The following SHC2 variants were observed in gnomAD, a reference collection of about 807,000 sequenced individuals.
The protein encoded by SHC2 is SHC-transforming protein 2.
SHC2 carries 62 observed loss-of-function variants against 60.6 expected under a neutral mutation model. The observed-to-expected ratio is 1.02, with a 90% CI of 0.83 to 1.26. SHC2 has a LOEUF of 1.26. SHC2 is among the 50% of genes most tolerant of loss of function. The pLI is 0.00. For synonymous variants in SHC2, 375 were observed against 372.4 expected (o/e 1.01, Z -0.08); for missense variants, 873 against 822.2 (o/e 1.06, Z -0.76).
intron 1 of SHC2, among the ~76,000 whole-genome samples, chr19:447,222 CGT>C (rs891478482): frequency 4.1e-5 from 6 of 145,628 alleles, no homozygotes; most frequent in African/African-American, 1.5e-4. Flanking sequence ...GGCCACACAG[CGT>C]GTGATCCCAT....
intron 9 of SHC2, among the ~76,000 whole-genome samples, chr19:428,600 C>T (rs1262113548): frequency 3.9e-5 from 6 of 152,180 alleles, no homozygotes; most frequent in Non-Finnish European, 7.4e-5. Flanking sequence ...CGTTGAAAAG[C>T]TAGGAAAATA....
chr19:426,401 C>G (rs946398489), intron 9 of SHC2, among the ~76,000 whole-genome samples: 3 of 139,234 alleles, frequency 2.2e-5, no homozygotes, highest in African/African-American at 8.2e-5. Flanking sequence ...CCGAGAGGGG[C>G]AGAGTCCGGG....
intron 11 of SHC2, among the ~76,000 whole-genome samples, chr19:421,430 A>AAG (rs1568280206): frequency 1.4e-5 from 2 of 138,522 alleles, no homozygotes; most frequent in African/African-American, 5.3e-5. Flanking sequence ...AAGAAAAGAA[A>AAG]AAGAGAGAAA....
At position 424,892 on chromosome 19, in the gene SHC2, A is replaced by G. The variant is rs1206428001; in HGVS notation, c.1309+205T>C. Among the ~76,000 whole-genome samples the G allele has an allele frequency of 2.0e-5, 3 of 152,286 alleles. No individual in the cohort carries two copies. Among genetic ancestry groups the G allele is most frequent in the Non-Finnish European group, 4.4e-5 (3 of 68,022 alleles). ...ACTGGCCCCTTTTAAGGCAGAGTCC[A>G]GGACACCCCCATCAGACAAGGCCTC... On this transcript the variant is annotated intron_variant, in intron 10 of 12. Transcript: ENST00000264554. The surrounding 1 kb of genome is among the most constrained non-coding windows in gnomAD (Gnocchi z 4.5).
chr19:426,926 C>T (rs995013863), intron 9 of SHC2, among the ~76,000 whole-genome samples: 1 of 151,968 alleles, frequency 6.6e-6, no homozygotes, highest in Admixed American at 6.6e-5. Context: ...CCTGGACCCG[C>T]GCTATGGGCA....
At chr19:418,042 C>G (rs893639153) in intron 12 of SHC2, among the ~76,000 whole-genome samples, 7 of 152,168 alleles carry the variant, frequency 4.6e-5, no homozygotes, top group African/African-American at 1.4e-4. Flanking sequence ...CCTCTCCTGC[C>G]CCAACCTCAC....
intron 1 of SHC2, among the ~76,000 whole-genome samples, chr19:458,667 G>A (rs1975447782): frequency 7.0e-6 from 1 of 142,222 alleles, no homozygotes; most frequent in Non-Finnish European, 1.5e-5. Context: ...GGCGGAAGTG[G>A]GTTCCGGGGG....
chr19:440,170 C>T lies in SHC2; in HGVS notation c.539+692G>A, dbSNP rs527441195. ...TTGCTATGAAATGTCCAGGACAGGCCGATCCACAGAGACAGGGAGGGGATG... is the reference window on the plus strand; with the variant it reads ...TTGCTATGAAATGTCCAGGACAGGCTGATCCACAGAGACAGGGAGGGGATG... On this transcript the variant is annotated intron_variant, in intron 2 of 12. Coordinates refer to ENST00000264554, the MANE Select transcript of SHC2 (RefSeq NM_012435.3). The surrounding 1 kb of genome is among the most constrained non-coding windows in gnomAD (Gnocchi z 7.0). Among the ~76,000 whole-genome samples the T allele has an allele frequency of 6.6e-6, 1 of 150,848 alleles. No homozygotes were observed. Among genetic ancestry groups the T allele is most frequent in the African/African-American group, 2.4e-5 (1 of 40,836 alleles).
intron 11 of SHC2, chr19:419,305 G>A (rs569909579): frequency 1.1e-4 from 53 of 461,120 alleles, no homozygotes; most frequent in African/African-American, 6.5e-4. Flanking sequence ...AGGTGACCGC[G>A]GGAAGATGCG....
At chr19:447,550 G>A (rs60023748) in intron 1 of SHC2, among the ~76,000 whole-genome samples, 8,843 of 152,250 alleles carry the variant, frequency 0.058, 837 homozygotes, top group African/African-American at 0.2. Context: ...AGGCCGAGGC[G>A]GGCGGCTCAC....
intron 1 of SHC2, among the ~76,000 whole-genome samples, chr19:457,385 C>A (rs1298972688): frequency 4.6e-5 from 7 of 152,260 alleles, no homozygotes; most frequent in Non-Finnish European, 8.8e-5. Context: ...CCGTCTAGAA[C>A]TATGTCTGCA....
Position 425,700 on chromosome 19 carries a change from C to T in SHC2, c.1175-469G>A, listed in dbSNP as rs1974399643. Among the ~76,000 whole-genome samples, 1 of 152,214 alleles carries T rather than the reference C, an allele frequency of 6.6e-6. No individual in the cohort carries two copies. The highest frequency in any genetic ancestry group is 2.1e-4 in the South Asian group (1 of 4,834). The stretch of plus-strand genomic sequence containing the variant: ...TCAGTTCTATTTCAGGATTTTCCTT[C>T]CTTTCTTTTTTTAATTGTATTTTGA... On this transcript the variant is annotated intron_variant, in intron 9 of 12. Coordinates refer to ENST00000264554, the MANE Select transcript of SHC2 (RefSeq NM_012435.3). The surrounding 1 kb of genome is among the most constrained non-coding windows in gnomAD (Gnocchi z 4.1).
intron 5 of SHC2, 93 bp downstream of exon 5, chr19:436,537 G>T (rs560183823): frequency 6.3e-7 from 1 of 1,581,990 alleles, no homozygotes; most frequent in Non-Finnish European, 8.6e-7. Flanking sequence ...GTGGGCACAG[G>T]GTACGTTAGG....
intron 1 of SHC2, among the ~76,000 whole-genome samples, chr19:458,814 G>T (rs1443196895): frequency 1.3e-5 from 2 of 149,638 alleles, no homozygotes; most frequent in African/African-American, 4.9e-5. Context: ...AGGCGGAAGC[G>T]GGTCTTGGGG....
Position 422,590 on chromosome 19 carries a change from A to G in SHC2, c.1310-134T>C. The G allele has an allele frequency of 1.4e-6, 1 of 704,536 alleles. No homozygotes were observed. Among genetic ancestry groups the G allele is most frequent in the Non-Finnish European group, 2.3e-6 (1 of 430,658 alleles). The allele number at this position is 704,536 out of a possible 1,614,324, so 43.6% of individuals were successfully genotyped here. On this transcript the variant is annotated intron_variant, in intron 10 of 12. Coordinates refer to ENST00000264554, the MANE Select transcript of SHC2 (RefSeq NM_012435.3). The surrounding 1 kb of genome is among the most constrained non-coding windows in gnomAD (Gnocchi z 5.0). ...CGGCCTGCGCTGACCGAGCGCCCAC[A>G]GCGTATCAGACTCGCACTCTGCCCA...
chr19:419,114 G>A, intron 11 of SHC2, 58 bp from the exon 12 acceptor site: 1 of 1,506,630 alleles, frequency 6.6e-7, no homozygotes, highest in Non-Finnish European at 9.0e-7. Context: ...CCGTGGAGTA[G>A]GATATTGGCG....
Position 441,255 on chromosome 19 carries a change from G to T in SHC2, c.469-323C>A. 1.3e-6 allele frequency: 1 copy of T among 768,706 alleles called. No individual in the cohort carries two copies. Among genetic ancestry groups the T allele is most frequent in the Middle Eastern group, 6.5e-4 (1 of 1,538 alleles). The allele number at this position is 768,706 out of a possible 1,614,324, so 47.6% of individuals were successfully genotyped here. A position where few individuals can be genotyped will look rare whatever the true frequency, so the allele number is the denominator to read the frequency against. Reference sequence around the variant, plus strand: ...CTCTTTCTGTTCCACCAGCACCGAAGCCGAGGAGCGTGGGGATGGTGCGAT... The same window carrying T: ...CTCTTTCTGTTCCACCAGCACCGAATCCGAGGAGCGTGGGGATGGTGCGAT... On this transcript the variant is annotated intron_variant, in intron 1 of 12. Coordinates refer to ENST00000264554, the MANE Select transcript of SHC2 (RefSeq NM_012435.3). This position sits in a 1 kb window ranked among gnomAD's most constrained non-coding sequence, Gnocchi z 4.9.
chr19:436,475 C>A (rs774657260), intron 5 of SHC2, 44 bp from the exon 6 acceptor site: 3 of 1,601,178 alleles, frequency 1.9e-6, no homozygotes, highest in Non-Finnish European at 2.6e-6. Context: ...GGGCCCCCCA[C>A]CGGGATTCCC....
chr19:425,201 T>C lies in SHC2; in HGVS notation c.1205A>G (p.Asp402Gly), dbSNP rs1225809006. ...CTCGTGGTCCGGGGGGCCCCGGGCG[T>C]CCGCCTGCACGTAGCCGTCCCCCGG... ...APPGDGYVQADARGPPDHEEH... is the reference protein window; with the variant it reads ...APPGDGYVQAGARGPPDHEEH... Residue 402 changes from aspartate (D) to glycine (G), a missense_variant, in exon 10 of 13, where the codon GAC becomes GGC. Transcript: ENST00000264554. This position sits in a 1 kb window ranked among gnomAD's most constrained non-coding sequence, Gnocchi z 4.1. 1 of 1,341,170 alleles carries C rather than the reference T, an allele frequency of 7.5e-7. No homozygotes were observed. Among genetic ancestry groups the C allele is most frequent in the Non-Finnish European group, 9.6e-7 (1 of 1,036,502 alleles). 83.1% of individuals were successfully genotyped at this position (1,341,170 alleles called of 1,614,324 possible).
Sources: allele counts gnomAD v4.1 joint callset (sites outside exome capture counted in the v4.1 genomes callset), GRCh38; gene constraint gnomAD v4.1.1; non-coding constraint Gnocchi (gnomAD v3.1); transcripts MANE v1.5; gene names NCBI Gene and HGNC (gene_info 2026-07-23, HGNC 2026-07-21).